PDGFRL: variants seen among roughly 807,000 people sequenced by gnomAD.
The protein encoded by PDGFRL is platelet-derived growth factor receptor-like protein.
PDGFRL carries 46 observed loss-of-function variants against 37.2 expected under a neutral mutation model. The ratio of observed to expected loss-of-function variants is 1.24; its 90% CI spans 0.98 to 1.58. The LOEUF (loss-of-function observed/expected upper bound fraction) is 1.58. PDGFRL is among the 40% of genes most tolerant of loss of function. The pLI is 0.00. For synonymous variants in PDGFRL, 251 were observed against 184.3 expected (o/e 1.36, Z -2.93); for missense variants, 692 against 467.6 (o/e 1.48, Z -4.43).
At position 17,588,688 on chromosome 8, in the gene PDGFRL, A is replaced by AT. The variant is rs202242881; in HGVS notation, c.56-780_56-779insT. ...ATTCCGTTTCTAACGTTAAACACAA[A>AT]ATATTTTGCGTGCACTTTCAGCACA... On this transcript the variant is annotated intron_variant, in intron 1 of 5. Coordinates refer to ENST00000251630, the MANE Select transcript of PDGFRL (RefSeq NM_001372073.1). 1.3e-3 allele frequency among the ~76,000 whole-genome samples: 196 copies of AT among 152,110 alleles called. 2 individuals carry two copies. In the East Asian group the frequency reaches 0.033, roughly 26 times the overall value.
rs369069249 is a variant in PDGFRL, at chr8:17,589,474, G to A, written c.62G>A (p.Gly21Asp). The stretch of plus-strand genomic sequence containing the variant: ...CTCTCCTTACGTTTTGCAGTTACTG[G>A]CCAACACCTTCCCAAGAACAAGCGT... ...LVHEALEDVT[G>D]QHLPKNKRPK... is the part of the protein sequence containing the mutation. The change falls in exon 2 of 6, where the codon GGC becomes GAC. Residue 21 changes from glycine (G) to aspartate (D), a missense_variant. By Grantham distance (94) the Gly-to-Asp change is moderately conservative. Transcript: ENST00000251630. The A allele has an allele frequency of 3.3e-4, 537 of 1,611,808 alleles. 2 individuals carry two copies. The highest frequency in any genetic ancestry group is 2.7e-3 in the South Asian group (249 of 90,992).
At chr8:17,628,057 T>G (rs540676046) in intron 3 of PDGFRL, among the ~76,000 whole-genome samples, 126 of 141,452 alleles carry the variant, frequency 8.9e-4, no homozygotes, top group Non-Finnish European at 1.4e-3. Flanking sequence ...GCAGTGGCGC[T>G]ATCTCGGCTC....
chr8:17,599,084 C>T (rs1365127961), intron 2 of PDGFRL, among the ~76,000 whole-genome samples: 1 of 152,236 alleles, frequency 6.6e-6, no homozygotes, highest in Non-Finnish European at 1.5e-5. Context: ...CATTGACTCT[C>T]CCTTCTCCCT....
rs557932491 is a variant in PDGFRL at position 17,597,197 on chromosome 8, T to A, written c.353+7432T>A. Among the ~76,000 whole-genome samples the A allele has an allele frequency of 3.3e-5, 5 of 152,304 alleles. No individual in the cohort carries two copies. In the South Asian group the frequency reaches 1.0e-3, roughly 32 times the overall value. On this transcript the variant is annotated intron_variant, in intron 2 of 5. Transcript: ENST00000251630. ...CGCCACACCTGGCTAATTTTTGTATTTTAAGTAGAGACTGGCTTTCGGTAA... is the reference window on the plus strand; with the variant it reads ...CGCCACACCTGGCTAATTTTTGTATATTAAGTAGAGACTGGCTTTCGGTAA...
intron 2 of PDGFRL, among the ~76,000 whole-genome samples, chr8:17,611,786 G>T (rs7815855): frequency 6.6e-6 from 1 of 152,160 alleles, no homozygotes; most frequent in African/African-American, 2.4e-5. Context: ...TATCTGATAC[G>T]TGATGAAAGG....
chr8:17,635,881 T>C (rs1321254877), intron 5 of PDGFRL, among the ~76,000 whole-genome samples: 1 of 152,238 alleles, frequency 6.6e-6, no homozygotes, highest in Non-Finnish European at 1.5e-5. Context: ...TTAGTGATGT[T>C]GAGTACGTTT....
At chr8:17,618,277 A>C (rs192381244) in intron 2 of PDGFRL, among the ~76,000 whole-genome samples, 1 of 152,200 alleles carries the variant, frequency 6.6e-6, no homozygotes, top group East Asian at 1.9e-4. Context: ...TCTGGTCATG[A>C]ACTCCTGAGC....
chr8:17,620,456 C>G (rs1804607863), intron 2 of PDGFRL, among the ~76,000 whole-genome samples: 2 of 152,226 alleles, frequency 1.3e-5, no homozygotes, highest in South Asian at 4.1e-4. Context: ...TACCTCCTCC[C>G]CTCCTGCACA....
chr8:17,621,762 C>A (rs1804639758), intron 3 of PDGFRL, among the ~76,000 whole-genome samples: 1 of 152,120 alleles, frequency 6.6e-6, no homozygotes, highest in South Asian at 2.1e-4. Context: ...CTTCTCAGAA[C>A]CTATGACCAT....
intron 5 of PDGFRL, among the ~76,000 whole-genome samples, chr8:17,638,531 C>G (rs1163255119): frequency 6.6e-6 from 1 of 151,138 alleles, no homozygotes; most frequent in Non-Finnish European, 1.5e-5. Context: ...GTTGTTGGGT[C>G]GAATGTTCTA....
intron 2 of PDGFRL, among the ~76,000 whole-genome samples, chr8:17,615,532 C>A (rs1020287785): frequency 6.6e-6 from 1 of 152,116 alleles, no homozygotes; most frequent in Non-Finnish European, 1.5e-5. Flanking sequence ...CTCTATGTTT[C>A]GGTGCCCTCA....
rs1563527354 is a variant in PDGFRL, at chr8:17,628,600, C to G, written c.619C>G (p.Leu207Val). Residue 207 changes from leucine to valine, a missense_variant, in exon 4 of 6, where the codon CTC (leucine) becomes GTC (valine). By Grantham distance (32) the Leu-to-Val change is conservative (BLOSUM62 1). Coordinates refer to ENST00000251630, the MANE Select transcript of PDGFRL (RefSeq NM_001372073.1). Reference sequence around the variant, plus strand: ...GACCGTGCTGTCGGCCAAAGTCACGCTCCACAGGGAATTCCCAGCCAAGGA... The same window carrying G: ...GACCGTGCTGTCGGCCAAAGTCACGGTCCACAGGGAATTCCCAGCCAAGGA... ...RVTVLSAKVT[L>V]HREFPAKEIP... 6.2e-7 allele frequency: 1 copy of G among 1,614,174 alleles called. No individual in the cohort carries two copies. Among genetic ancestry groups the G allele is most frequent in the Non-Finnish European group, 8.5e-7 (1 of 1,180,020 alleles).
chr8:17,633,666 G>A (rs1804906483), intron 4 of PDGFRL, among the ~76,000 whole-genome samples: 4 of 152,154 alleles, frequency 2.6e-5, no homozygotes. Context: ...TTTTCTGTTC[G>A]TCTTCTGCGG....
At chr8:17,633,942 C>T in intron 4 of PDGFRL, 132 bp from the exon 5 acceptor site, 1 of 901,820 alleles carries the variant, frequency 1.1e-6, no homozygotes, top group Non-Finnish European at 1.8e-6. Context: ...CTCACACTGT[C>T]CTCGCACTGG....
At chr8:17,610,724 A>G (rs758218855) in intron 2 of PDGFRL, among the ~76,000 whole-genome samples, 2 of 152,176 alleles carry the variant, frequency 1.3e-5, no homozygotes, top group Admixed American at 6.5e-5. Flanking sequence ...CAGCCTGGCC[A>G]GTATGGTGAA....
chr8:17,615,695 G>T (rs1398711071), intron 2 of PDGFRL, among the ~76,000 whole-genome samples: 7 of 152,146 alleles, frequency 4.6e-5, no homozygotes, highest in African/African-American at 1.7e-4. Flanking sequence ...GTGGGAGATT[G>T]CTTGAGGCCA....
In PDGFRL at chr8:17,634,190, A is replaced by G. The variant is rs1804921777; in HGVS notation, c.916A>G (p.Thr306Ala). 9 of 1,613,254 alleles carry G rather than the reference A, an allele frequency of 5.6e-6. No homozygotes were observed. Among genetic ancestry groups the G allele is most frequent in the South Asian group, 1.1e-5 (1 of 91,002 alleles). ...GGAGCCCGATGTGGAGGTGGAGTTCACCTGGATCTTCCCAGGGCAGAAGGT... is the reference window on the plus strand; with the variant it reads ...GGAGCCCGATGTGGAGGTGGAGTTCGCCTGGATCTTCCCAGGGCAGAAGGT... ...LGEPDVEVEF[T>A]WIFPGQKDER... Residue 306 changes from threonine to alanine, a missense_variant, in exon 5 of 6, where the codon ACC (threonine) becomes GCC (alanine). Thr to Ala is a moderately conservative substitution (Grantham distance 58, BLOSUM62 0). Coordinates refer to ENST00000251630, the MANE Select transcript of PDGFRL (RefSeq NM_001372073.1).
At chr8:17,600,192 G>A (rs566114729) in intron 2 of PDGFRL, among the ~76,000 whole-genome samples, 49 of 152,114 alleles carry the variant, frequency 3.2e-4, no homozygotes, top group African/African-American at 1.2e-3. Flanking sequence ...TTTTCACCAA[G>A]GTCAACAAGG....
rs539131595 is a variant in PDGFRL, at chr8:17,599,307, C to T, written c.353+9542C>T. ...TTATCCCTCACTGCCCCAAACTCTT[C>T]CCCCCAAGTCCCTAAAGTCCATTGT... On this transcript the variant is annotated intron_variant, in intron 2 of 5. Coordinates refer to ENST00000251630, the MANE Select transcript of PDGFRL (RefSeq NM_001372073.1). Among the ~76,000 whole-genome samples the T allele has an allele frequency of 3.9e-5, 6 of 152,296 alleles. No individual in the cohort carries two copies. The East Asian group carries it at 1.2e-3, about 29-fold the overall frequency.
Sources: allele counts gnomAD v4.1 joint callset (sites outside exome capture counted in the v4.1 genomes callset), GRCh38; gene constraint gnomAD v4.1.1; transcripts MANE v1.5; gene names NCBI Gene and HGNC (gene_info 2026-07-23, HGNC 2026-07-21).